The following CCDC47 variants were observed in gnomAD, a reference collection of about 807,000 sequenced individuals.
CCDC47 encodes PAT complex subunit CCDC47.
In CCDC47, 41 loss-of-function variants were observed where a neutral mutation model predicts 60.5. The ratio of observed to expected loss-of-function variants is 0.68; its 90% CI spans 0.53 to 0.88. The LOEUF is 0.88. Among genes scored for constraint, CCDC47 ranks in the 40% least tolerant of loss-of-function variants. CCDC47 has a pLI of 0.00. For synonymous variants in CCDC47, 195 were observed against 190.7 expected (o/e 1.02, Z -0.18); for missense variants, 513 against 580.9 (o/e 0.88, Z 1.20).
chr17:63,758,046 G>A (rs552077187), intron 6 of CCDC47, among the ~76,000 whole-genome samples: 12 of 152,294 alleles, frequency 7.9e-5, no homozygotes, highest in Non-Finnish European at 1.2e-4. Flanking sequence ...TCAACCTGCT[G>A]GGAGGGTGGT....
intron 6 of CCDC47, among the ~76,000 whole-genome samples, chr17:63,759,181 A>C (rs183832639): frequency 6.6e-6 from 1 of 151,930 alleles, no homozygotes; most frequent in Non-Finnish European, 1.5e-5. Flanking sequence ...ACAAGTAAAA[A>C]TGAGATCTTT....
At chr17:63,747,113 A>G in intron 12 of CCDC47, 152 bp from the exon 13 acceptor site, 2 of 1,344,630 alleles carry the variant, frequency 1.5e-6, no homozygotes, top group Non-Finnish European at 1.9e-6. Flanking sequence ...ATTCTAGAAG[A>G]TAGTTATAAA....
At chr17:63,755,756 C>T (rs2039200757) in intron 8 of CCDC47, among the ~76,000 whole-genome samples, 1 of 151,932 alleles carries the variant, frequency 6.6e-6, no homozygotes, top group South Asian at 2.1e-4. Context: ...CTTGCTGAGG[C>T]AGGAGGAACA....
chr17:63,752,852 T>G (rs569241101), intron 9 of CCDC47, 53 bp from the exon 10 acceptor site: 1 of 1,589,094 alleles, frequency 6.3e-7, no homozygotes, highest in East Asian at 2.3e-5. Context: ...ATGTTTTCCA[T>G]GTACACAAGT....
chr17:63,765,116 C>T (rs1322095598), intron 2 of CCDC47: 3 of 152,260 alleles, frequency 2.0e-5, no homozygotes, highest in African/African-American at 1.2e-4. Flanking sequence ...TGTAAGTATT[C>T]TCACCACACA....
At position 63,745,438 on chromosome 17, in the gene CCDC47, TATA is replaced by T. The variant is rs2144460389; in HGVS notation, c.*1440_*1442del. 1 of 152,450 alleles carries T rather than the reference TATA, an allele frequency of 6.6e-6. No individual in the cohort carries two copies. Among genetic ancestry groups the T allele is most frequent in the African/African-American group, 2.4e-5 (1 of 41,590 alleles). 9.4% of individuals were successfully genotyped at this position (152,450 alleles called of 1,614,324 possible). A position where few individuals can be genotyped will look rare whatever the true frequency, so the allele number is the denominator to read the frequency against. ...AAGGTTTGTAAAACAAGGCCACTACTATAATTATATAATATTAAAGTAATTAAG... is the reference window on the plus strand; with the variant it reads ...AAGGTTTGTAAAACAAGGCCACTACTATTATATAATATTAAAGTAATTAAG... On this transcript the variant is annotated 3_prime_UTR_variant, in exon 13 of 13. Coordinates refer to ENST00000225726, the MANE Select transcript of CCDC47 (RefSeq NM_020198.3).
At chr17:63,757,286 C>T (rs954137461) in intron 6 of CCDC47, among the ~76,000 whole-genome samples, 3 of 150,222 alleles carry the variant, frequency 2.0e-5, no homozygotes, top group Admixed American at 6.7e-5. Context: ...GCAGGAGGAT[C>T]GATTGAGCCC....
chr17:63,770,831 C>T (rs1598313429), intron 1 of CCDC47, among the ~76,000 whole-genome samples: 1 of 150,886 alleles, frequency 6.6e-6, no homozygotes, highest in East Asian at 1.9e-4. Flanking sequence ...ACTAAAAATA[C>T]CAAAAAATTA....
chr17:63,764,695 G>A (rs1464310282), intron 3 of CCDC47, 45 bp downstream of exon 3: 1 of 1,511,860 alleles, frequency 6.6e-7, no homozygotes, highest in Non-Finnish European at 9.1e-7. Flanking sequence ...TTGATGACAA[G>A]ACATTTTGTT....
In CCDC47 at chr17:63,761,809, A is replaced by G. The variant is rs73329910; in HGVS notation, c.548-458T>C. Reference sequence around the variant, plus strand: ...TGCTGTCTTATAGAACTGTTTGGACAGGGACTGAAATAGATTAGCACTGTT... The same window carrying G: ...TGCTGTCTTATAGAACTGTTTGGACGGGGACTGAAATAGATTAGCACTGTT... On this transcript the variant is annotated intron_variant, in intron 4 of 12. Coordinates refer to ENST00000225726, the MANE Select transcript of CCDC47 (RefSeq NM_020198.3). 3,675 of 981,008 alleles carry G rather than the reference A, an allele frequency of 3.7e-3. 101 individuals are homozygous for G. In the African/African-American group the frequency reaches 0.06, roughly 16 times the overall value. 60.8% of individuals were successfully genotyped at this position (981,008 alleles called of 1,614,324 possible).
chr17:63,762,078 C>T, intron 4 of CCDC47: 1 of 984,340 alleles, frequency 1.0e-6, no homozygotes, highest in Non-Finnish European at 1.2e-6. Flanking sequence ...TTTAACCAAG[C>T]TTTCTTTTCC....
rs543778413 is a variant in CCDC47 at position 63,748,900 on chromosome 17, G to T, written c.1372-1939C>A. ...GTGGTGGCGGGCACCTGTAATCCCA[G>T]CTACTTGGGAGGCTGAGGCACGAGA... On this transcript the variant is annotated intron_variant, in intron 12 of 12. Transcript: ENST00000225726. Among the ~76,000 whole-genome samples, 11 of 151,872 alleles carry T rather than the reference G, an allele frequency of 7.2e-5. No homozygotes were observed. The South Asian group carries it at 2.3e-3, about 32-fold the overall frequency.
chr17:63,756,084 T>C (rs2039203540), intron 8 of CCDC47, among the ~76,000 whole-genome samples, 156 bp downstream of exon 8: 1 of 152,232 alleles, frequency 6.6e-6, no homozygotes, highest in African/African-American at 2.4e-5. Flanking sequence ...GACAAGCTAA[T>C]TTATTGCTTA....
chr17:63,771,433 A>G (rs1184409908), intron 1 of CCDC47, among the ~76,000 whole-genome samples: 1 of 152,126 alleles, frequency 6.6e-6, no homozygotes, highest in East Asian at 1.9e-4. Context: ...TCAAGGGAGA[A>G]CTAAACATTC....
At chr17:63,763,493 C>A (rs2144491606) in intron 4 of CCDC47, among the ~76,000 whole-genome samples, 1 of 152,148 alleles carries the variant, frequency 6.6e-6, no homozygotes, top group Non-Finnish European at 1.5e-5. Context: ...CCACTGCACA[C>A]AAGCCTGGGT....
intron 12 of CCDC47, chr17:63,747,791 C>A (rs2039131753): frequency 1.0e-6 from 1 of 985,162 alleles, no homozygotes; most frequent in Admixed American, 6.1e-5. Flanking sequence ...CATAGTGCAA[C>A]AAATTAGGTT....
intron 6 of CCDC47, among the ~76,000 whole-genome samples, chr17:63,758,426 C>A (rs1232652386): frequency 6.6e-6 from 1 of 151,776 alleles, no homozygotes; most frequent in Non-Finnish European, 1.5e-5. Flanking sequence ...GTAATCCCAG[C>A]ACTTTGGGAG....
chr17:63,768,284 A>G (rs1277607059), intron 1 of CCDC47, among the ~76,000 whole-genome samples: 1 of 152,248 alleles, frequency 6.6e-6, no homozygotes, highest in Non-Finnish European at 1.5e-5. Context: ...AAATTTGCAC[A>G]GGAATTCAGC....
chr17:63,772,602 A>G (rs1176242908), intron 1 of CCDC47, among the ~76,000 whole-genome samples: 2 of 152,248 alleles, frequency 1.3e-5, no homozygotes, highest in East Asian at 1.9e-4. Flanking sequence ...AGAAGCAACT[A>G]AAAGTTAACA....
Sources: allele counts gnomAD v4.1 joint callset (sites outside exome capture counted in the v4.1 genomes callset), GRCh38; gene constraint gnomAD v4.1.1; transcripts MANE v1.5; gene names NCBI Gene and HGNC (gene_info 2026-07-23, HGNC 2026-07-21).